Variants in ADTRP observed in about 807,000 individuals in gnomAD.
ADTRP encodes the protein androgen-dependent TFPI-regulating protein.
Under a neutral mutation model 27.0 loss-of-function variants are expected in ADTRP, and 20 were observed. The ratio of observed to expected loss-of-function variants is 0.74; its 90% CI spans 0.52 to 1.08. The LOEUF (loss-of-function observed/expected upper bound fraction) is 1.08, where lower values mean the gene tolerates loss of function less well. Ranked by LOEUF, ADTRP falls within the 50% of genes least tolerant of loss-of-function variation. The pLI, the probability that ADTRP is intolerant of heterozygous loss-of-function variation, is 0.00. For synonymous variants in ADTRP, 101 were observed against 105.2 expected (o/e 0.96, Z 0.25); for missense variants, 251 against 275.0 (o/e 0.91, Z 0.62).
chr6:11,716,674 T>C (rs1324940392), intron 5 of ADTRP, among the ~76,000 whole-genome samples: 1 of 151,916 alleles, frequency 6.6e-6, no homozygotes, highest in Non-Finnish European at 1.5e-5. Context: ...CTTCTTTAAG[T>C]CTTCAAAATT....
intron 3 of ADTRP, among the ~76,000 whole-genome samples, chr6:11,760,984 A>G (rs1349629717): frequency 6.6e-6 from 1 of 152,236 alleles, no homozygotes; most frequent in African/African-American, 2.4e-5. Context: ...CACATGAGGC[A>G]TAATCTGAAC....
chr6:11,723,213 C>T, intron 5 of ADTRP, 136 bp downstream of exon 5: 1 of 1,247,502 alleles, frequency 8.0e-7, no homozygotes, highest in Non-Finnish European at 1.1e-6. Context: ...TTGGCAGGAC[C>T]TGTCTGAGTA....
chr6:11,724,228 G>A (rs1581312646), intron 4 of ADTRP, among the ~76,000 whole-genome samples: 1 of 151,196 alleles, frequency 6.6e-6, no homozygotes, highest in South Asian at 2.1e-4. Flanking sequence ...CCAGAGAAGT[G>A]GGGTTTGCTT....
At chr6:11,758,592 T>C (rs1405073084) in intron 3 of ADTRP, among the ~76,000 whole-genome samples, 1 of 110,302 alleles carries the variant, frequency 9.1e-6, no homozygotes, top group East Asian at 3.2e-4. Context: ...GGGGGACGGA[T>C]AGCATTAGGA....
chr6:11,748,718 C>A (rs1175250443), intron 3 of ADTRP, among the ~76,000 whole-genome samples: 1 of 152,216 alleles, frequency 6.6e-6, no homozygotes, highest in African/African-American at 2.4e-5. Context: ...GTTCTAAAAG[C>A]TACAGCTGAG....
intron 5 of ADTRP, among the ~76,000 whole-genome samples, chr6:11,720,143 G>C (rs1761968612): frequency 6.6e-6 from 1 of 152,180 alleles, no homozygotes. Context: ...GCATTCATTT[G>C]AATTTCTCCT....
chr6:11,718,413 T>C (rs1247132277), intron 5 of ADTRP, among the ~76,000 whole-genome samples: 1 of 152,112 alleles, frequency 6.6e-6, no homozygotes, highest in East Asian at 1.9e-4. Flanking sequence ...TGTGTGCTGG[T>C]GTCAGCATCC....
chr6:11,763,819 T>C (rs888439623), intron 3 of ADTRP, among the ~76,000 whole-genome samples: 1 of 152,202 alleles, frequency 6.6e-6, no homozygotes, highest in African/African-American at 2.4e-5. Flanking sequence ...AGATGAGATA[T>C]ACTTATTAGG....
intron 3 of ADTRP, among the ~76,000 whole-genome samples, chr6:11,756,459 G>C (rs1437180583): frequency 6.6e-6 from 1 of 152,140 alleles, no homozygotes; most frequent in Non-Finnish European, 1.5e-5. Context: ...CCCTACCTTG[G>C]AAAAGTGTCA....
intron 3 of ADTRP, among the ~76,000 whole-genome samples, chr6:11,765,650 C>T (rs768801228): frequency 6.6e-6 from 1 of 152,078 alleles, no homozygotes; most frequent in Non-Finnish European, 1.5e-5. Flanking sequence ...AGTTATCCTC[C>T]TCCAACCGAG....
At chr6:11,756,045 C>T (rs1315758982) in intron 3 of ADTRP, among the ~76,000 whole-genome samples, 5 of 152,146 alleles carry the variant, frequency 3.3e-5, no homozygotes, top group Non-Finnish European at 7.4e-5. Flanking sequence ...TCATGTAGAC[C>T]TGGTCTAGAA....
rs76241577 is a variant in ADTRP, at chr6:11,756,776, T to C, written c.390+9498A>G. On this transcript the variant is annotated intron_variant, in intron 3 of 5. Transcript: ENST00000414691. ...AACACAGGTTTATGACTTTGGATCA[T>C]ATTCTAGACCCAGCTCTATCACTAA... 2.8e-3 allele frequency among the ~76,000 whole-genome samples: 428 copies of C among 152,332 alleles called. 2 individuals carry two copies. Among genetic ancestry groups the C allele is most frequent in the African/African-American group, 0.01 (416 of 41,574 alleles).
At chr6:11,718,814 G>A (rs1761916841) in intron 5 of ADTRP, among the ~76,000 whole-genome samples, 2 of 152,230 alleles carry the variant, frequency 1.3e-5, no homozygotes, top group East Asian at 3.9e-4. Flanking sequence ...GTGGCCCTGA[G>A]GAACCTCTTG....
intron 5 of ADTRP, among the ~76,000 whole-genome samples, chr6:11,716,880 CT>C (rs34642296): frequency 0.17 from 21,740 of 126,750 alleles, 2,644 homozygotes; most frequent in African/African-American, 0.39. Context: ...CCACACGTAG[CT>C]TTTTTTTTTT....
At position 11,714,186 on chromosome 6, in the gene ADTRP, G is replaced by A; in HGVS notation, c.*292C>T. ...AGATGTTCTCTAACACCAAGTTTAT[G>A]TGAGTTTCTTTGGCCAGATTTTAAC... is the stretch of plus-strand genomic sequence containing the variant. On this transcript the variant is annotated 3_prime_UTR_variant, in exon 6 of 6. Transcript: ENST00000414691. 1 of 393,096 alleles carries A rather than the reference G, an allele frequency of 2.5e-6. No homozygotes were observed. Among genetic ancestry groups the A allele is most frequent in the South Asian group, 2.6e-5 (1 of 37,790 alleles). 24.4% of individuals were successfully genotyped at this position (393,096 alleles called of 1,614,324 possible). A position where few individuals can be genotyped will look rare whatever the true frequency, so the allele number is the denominator to read the frequency against.
At chr6:11,761,679 G>T (rs576371042) in intron 3 of ADTRP, among the ~76,000 whole-genome samples, 2 of 152,196 alleles carry the variant, frequency 1.3e-5, no homozygotes, top group East Asian at 3.9e-4. Context: ...AATCATCTGG[G>T]GACCTTCTTT....
At chr6:11,742,035 C>T (rs1199142086) in intron 3 of ADTRP, among the ~76,000 whole-genome samples, 2 of 152,026 alleles carry the variant, frequency 1.3e-5, no homozygotes, top group African/African-American at 4.8e-5. Flanking sequence ...TAGCTTTTCC[C>T]TATTTTGGTA....
intron 4 of ADTRP, among the ~76,000 whole-genome samples, chr6:11,733,027 C>T (rs141241629): frequency 1.1e-3 from 173 of 152,328 alleles, no homozygotes; most frequent in African/African-American, 4.0e-3. Flanking sequence ...CATCTCTACC[C>T]CACCTCTGCC....
At chr6:11,768,678 G>A (rs1763652587) in intron 1 of ADTRP, among the ~76,000 whole-genome samples, 1 of 152,210 alleles carries the variant, frequency 6.6e-6, no homozygotes, top group Non-Finnish European at 1.5e-5. Context: ...AAAGGGGAAT[G>A]TAAGGAGATG....
Sources: gnomAD v4.1 joint callset for allele counts (sites outside exome capture counted in the v4.1 genomes callset) on GRCh38, gnomAD v4.1.1 for gene constraint, MANE v1.5 for transcripts, NCBI Gene and HGNC (gene_info 2026-07-23, HGNC 2026-07-21) for gene names.